Variants in GSK3B observed in about 807,000 individuals in gnomAD.
The protein encoded by GSK3B is glycogen synthase kinase 3 beta.
GSK3B carries 15 observed loss-of-function variants against 56.4 expected under a neutral mutation model. The ratio of observed to expected loss-of-function variants is 0.27; its 90% CI spans 0.18 to 0.41. GSK3B has a LOEUF of 0.41. Among genes scored for constraint, GSK3B ranks in the 10% least tolerant of loss-of-function variants. The pLI is 1.00. For synonymous variants in GSK3B, 181 were observed against 188.9 expected (o/e 0.96, Z 0.34); for missense variants, 300 against 513.4 (o/e 0.58, Z 4.02).
intron 9 of GSK3B, among the ~76,000 whole-genome samples, chr3:119,854,509 T>C (rs2055989096): frequency 6.6e-6 from 1 of 152,216 alleles, no homozygotes; most frequent in African/African-American, 2.4e-5. Flanking sequence ...AGCTCCTCTG[T>C]GTACCTCTGG....
chr3:119,910,214 C>A (rs745398955), intron 6 of GSK3B, among the ~76,000 whole-genome samples: 1 of 151,824 alleles, frequency 6.6e-6, no homozygotes, highest in Non-Finnish European at 1.5e-5. Flanking sequence ...TTCTAACAGT[C>A]CAAGGAAGAA....
chr3:119,845,451 A>G (rs2055842084), intron 9 of GSK3B, among the ~76,000 whole-genome samples: 1 of 152,252 alleles, frequency 6.6e-6, no homozygotes, highest in Admixed American at 6.5e-5. Context: ...TAAGCTGATA[A>G]GCAACTTCAG....
intron 1 of GSK3B, among the ~76,000 whole-genome samples, chr3:120,053,818 T>A (rs2058171015): frequency 1.3e-5 from 2 of 152,180 alleles, no homozygotes; most frequent in Non-Finnish European, 2.9e-5. Flanking sequence ...GCTCTCTCTT[T>A]GCCTGCTGCC....
At chr3:120,054,707 C>T (rs1220545084) in intron 1 of GSK3B, among the ~76,000 whole-genome samples, 3 of 152,154 alleles carry the variant, frequency 2.0e-5, no homozygotes, top group Non-Finnish European at 4.4e-5. Context: ...ACTTATGCTA[C>T]ACTGCTCATC....
rs933709277 is a variant in GSK3B at position 119,922,781 on chromosome 3, T to C, written c.477+592A>G. Among the ~76,000 whole-genome samples, 9 of 152,240 alleles carry C rather than the reference T, an allele frequency of 5.9e-5. No homozygotes were observed. The East Asian group carries it at 1.5e-3, about 26-fold the overall frequency. ...CTAGTTTTCACAATGCCATAGTTAATAAAATAATTTGTTACTAATAACTAA... is the reference window on the plus strand; with the variant it reads ...CTAGTTTTCACAATGCCATAGTTAACAAAATAATTTGTTACTAATAACTAA... On this transcript the variant is annotated intron_variant, in intron 4 of 10. Transcript: ENST00000264235.
intron 10 of GSK3B, chr3:119,833,044 C>T (rs2055628945): frequency 1.2e-6 from 1 of 864,854 alleles, no homozygotes. Context: ...TGTCTCAATA[C>T]TGAGGAAACT....
Position 120,072,131 on chromosome 3 carries a change from A to G in GSK3B, c.88+21216T>C, listed in dbSNP as rs371901900. 2.0e-5 allele frequency among the ~76,000 whole-genome samples: 3 copies of G among 152,208 alleles called. No homozygotes were observed. In the East Asian group the frequency reaches 5.8e-4, roughly 29 times the overall value. On this transcript the variant is annotated intron_variant, in intron 1 of 10. Coordinates refer to ENST00000264235, the MANE Select transcript of GSK3B (RefSeq NM_001146156.2). ...TGAGAGTCAATTATACTATATCTAA[A>G]TTTTGTATCATCACAGGATTTCACT...
intron 1 of GSK3B, among the ~76,000 whole-genome samples, chr3:120,079,686 C>T (rs1014065603): frequency 6.6e-6 from 1 of 152,140 alleles, no homozygotes; most frequent in Non-Finnish European, 1.5e-5. Flanking sequence ...TGAGCCACCG[C>T]ACCCGGCCTA....
chr3:120,058,797 C>T (rs2058212847), intron 1 of GSK3B, among the ~76,000 whole-genome samples: 1 of 151,942 alleles, frequency 6.6e-6, no homozygotes, highest in South Asian at 2.1e-4. Context: ...ATTACCTGAG[C>T]TCAGGAGTTC....
intron 3 of GSK3B, among the ~76,000 whole-genome samples, chr3:119,935,762 C>A (rs1414839874): frequency 1.3e-5 from 2 of 151,948 alleles, no homozygotes; most frequent in Admixed American, 6.6e-5. Context: ...CCAGTATTAC[C>A]CAATACTAAA....
chr3:119,869,137 T>C (rs924905919), intron 8 of GSK3B, among the ~76,000 whole-genome samples: 8 of 145,534 alleles, frequency 5.5e-5, no homozygotes, highest in Non-Finnish European at 8.9e-5. Context: ...GGCAGGAGAA[T>C]TGCTTGAACC....
chr3:119,824,052 C>A lies in GSK3B; in HGVS notation c.*2736G>T. The A allele has an allele frequency of 5.0e-6, 1 of 201,910 alleles. No individual in the cohort carries two copies. Among genetic ancestry groups the A allele is most frequent in the Non-Finnish European group, 1.0e-5 (1 of 98,200 alleles). 12.5% of individuals were successfully genotyped at this position (201,910 alleles called of 1,614,324 possible). A position where few individuals can be genotyped will look rare whatever the true frequency, so the allele number is the denominator to read the frequency against. Reference sequence around the variant, plus strand: ...TAAAACTATATGGCTTTAAAAAGCTCGTCTACATTTTGTCTGATTATTAAA... The same window carrying A: ...TAAAACTATATGGCTTTAAAAAGCTAGTCTACATTTTGTCTGATTATTAAA... On this transcript the variant is annotated 3_prime_UTR_variant, in exon 11 of 11. Transcript: ENST00000264235.
At chr3:119,896,377 G>A (rs1464635246) in intron 7 of GSK3B, among the ~76,000 whole-genome samples, 4 of 151,518 alleles carry the variant, frequency 2.6e-5, no homozygotes, top group African/African-American at 7.3e-5. Flanking sequence ...TCTCAAGGAA[G>A]CAGTATAAAA....
intron 7 of GSK3B, among the ~76,000 whole-genome samples, chr3:119,885,857 T>C (rs1175753788): frequency 6.6e-6 from 1 of 152,092 alleles, no homozygotes; most frequent in East Asian, 1.9e-4. Context: ...TGCTAAAGAA[T>C]GAAACTGGAC....
At chr3:119,939,931 C>T (rs889999591) in intron 3 of GSK3B, among the ~76,000 whole-genome samples, 34 of 151,698 alleles carry the variant, frequency 2.2e-4, no homozygotes, top group African/African-American at 8.0e-4. Context: ...ACTGAAGTCA[C>T]AAGGATTGAG....
rs138686640 is a variant in GSK3B, at chr3:120,079,282, T to A, written c.88+14065A>T. Reference sequence around the variant, plus strand: ...TGAAAAAGCACAACTCTCCTTTAATTTTCTACAACCTTGACAGGAAATTAC... The same window carrying A: ...TGAAAAAGCACAACTCTCCTTTAATATTCTACAACCTTGACAGGAAATTAC... On this transcript the variant is annotated intron_variant, in intron 1 of 10. Coordinates refer to ENST00000264235, the MANE Select transcript of GSK3B (RefSeq NM_001146156.2). Among the ~76,000 whole-genome samples, 9 of 143,546 alleles carry A rather than the reference T, an allele frequency of 6.3e-5. No individual in the cohort carries two copies. The East Asian group carries it at 1.9e-3, about 30-fold the overall frequency. 94.2% of individuals were successfully genotyped at this position (143,546 alleles called of 152,430 possible).
intron 1 of GSK3B, among the ~76,000 whole-genome samples, chr3:120,076,055 C>T (rs926826528): frequency 2.0e-5 from 3 of 152,114 alleles, no homozygotes; most frequent in African/African-American, 7.2e-5. Flanking sequence ...AATAGAGAGC[C>T]CAGCAACAAA....
intron 1 of GSK3B, among the ~76,000 whole-genome samples, chr3:120,069,121 G>C (rs891320943): frequency 6.6e-6 from 1 of 152,114 alleles, no homozygotes; most frequent in Non-Finnish European, 1.5e-5. Flanking sequence ...AAGTAGTGAG[G>C]GGCTGTCTGC....
intron 1 of GSK3B, among the ~76,000 whole-genome samples, chr3:120,031,859 G>A (rs1023963359): frequency 2.6e-4 from 40 of 152,158 alleles, no homozygotes; most frequent in Non-Finnish European, 5.4e-4. Context: ...AATATTTGTG[G>A]ATAAATGACT....
Sources: gnomAD v4.1 joint callset for allele counts (sites outside exome capture counted in the v4.1 genomes callset) on GRCh38, gnomAD v4.1.1 for gene constraint, MANE v1.5 for transcripts, NCBI Gene and HGNC (gene_info 2026-07-23, HGNC 2026-07-21) for gene names.